The following PLCB1 variants were observed in gnomAD, a reference collection of about 807,000 sequenced individuals.
PLCB1 encodes 1-phosphatidylinositol 4,5-bisphosphate phosphodiesterase beta-1.
Under a neutral mutation model 161.8 loss-of-function variants are expected in PLCB1, and 46 were observed. The observed-to-expected ratio is 0.28, with a 90% CI of 0.22 to 0.36. The LOEUF (loss-of-function observed/expected upper bound fraction) is 0.36, where lower values mean the gene tolerates loss of function less well. Among genes scored for constraint, PLCB1 ranks in the 10% least tolerant of loss-of-function variants. PLCB1 has a pLI of 1.00. For synonymous variants in PLCB1, 517 were observed against 503.7 expected (o/e 1.03, Z -0.35); for missense variants, 1,016 against 1,472.5 (o/e 0.69, Z 5.07).
At chr20:8,798,315 T>C (rs1230472307) in intron 31 of PLCB1, among the ~76,000 whole-genome samples, 2 of 152,198 alleles carry the variant, frequency 1.3e-5, no homozygotes, top group African/African-American at 4.8e-5. Context: ...ATTGCATTTC[T>C]GAAATATTTG....
At chr20:8,701,780 G>C (rs1329250451) in intron 11 of PLCB1, among the ~76,000 whole-genome samples, 1 of 152,268 alleles carries the variant, frequency 6.6e-6, no homozygotes. Context: ...ATCAAATACA[G>C]CATAACCTCC....
intron 22 of PLCB1, among the ~76,000 whole-genome samples, chr20:8,741,201 A>C (rs1392674747): frequency 6.6e-6 from 1 of 152,164 alleles, no homozygotes; most frequent in Non-Finnish European, 1.5e-5. Context: ...TAAACTCTTA[A>C]TTTCTCTCTT....
chr20:8,632,046 T>TGTTTTG (rs1247240611), intron 4 of PLCB1, among the ~76,000 whole-genome samples: 24 of 102,580 alleles, frequency 2.3e-4, no homozygotes, highest in African/African-American at 8.1e-4. Flanking sequence ...TTTTTTTTTT[T>TGTTTTG]TTTTTTTTTT....
At chr20:8,864,986 T>G (rs1433610892) in intron 31 of PLCB1, among the ~76,000 whole-genome samples, 4 of 152,194 alleles carry the variant, frequency 2.6e-5, no homozygotes, top group Non-Finnish European at 5.9e-5. Flanking sequence ...CAGCTCTGCC[T>G]TGTGAATCTA....
rs147966687 is a variant in PLCB1 at position 8,825,232 on chromosome 20, T to C, written c.3423+34971T>C. Among the ~76,000 whole-genome samples the C allele has an allele frequency of 3.7e-4, 56 of 152,350 alleles. No individual in the cohort carries two copies. In the East Asian group the frequency reaches 0.01, roughly 27 times the overall value. ...AGGAACCAATAAACAAATGATCTCC[T>C]GAACTAATTGTCTAGCTACAAACCC... On this transcript the variant is annotated intron_variant, in intron 31 of 31. Coordinates refer to ENST00000338037, the MANE Select transcript of PLCB1 (RefSeq NM_015192.4).
intron 2 of PLCB1, among the ~76,000 whole-genome samples, chr20:8,260,955 C>T (rs899151818): frequency 6.6e-6 from 1 of 152,060 alleles, no homozygotes; most frequent in African/African-American, 2.4e-5. Flanking sequence ...CCATGGTCAG[C>T]GACCGAAAAA....
In PLCB1 at chr20:8,427,986, A is replaced by G. The variant is rs76941833; in HGVS notation, c.246+56536A>G. Among the ~76,000 whole-genome samples, 381 of 152,260 alleles carry G rather than the reference A, an allele frequency of 2.5e-3. 14 individuals are homozygous for G. The East Asian group carries it at 0.058, about 23-fold the overall frequency. On this transcript the variant is annotated intron_variant, in intron 3 of 31. Transcript: ENST00000338037. ...GCAGGTCAGAGGAAGCTGACCTAAT[A>G]ATTTGTGCTGAATGTGTGGCAAGTT...
At chr20:8,315,239 G>A (rs1984587764) in intron 2 of PLCB1, among the ~76,000 whole-genome samples, 1 of 152,196 alleles carries the variant, frequency 6.6e-6, no homozygotes, top group African/African-American at 2.4e-5. Flanking sequence ...TAACATATAT[G>A]TAGGGACAGA....
intron 18 of PLCB1, among the ~76,000 whole-genome samples, chr20:8,732,606 A>G (rs893919603): frequency 3.5e-5 from 5 of 142,896 alleles, no homozygotes; most frequent in Admixed American, 1.5e-4. Flanking sequence ...AGTGTATCAT[A>G]TTAGAAATTA....
rs111334098 is a variant in PLCB1 at position 8,620,980 on chromosome 20, A to G, written c.247-7314A>G. ...ACACATCTAACTATAGCACAGTACC[A>G]TGGAAGGAAGTAGATATCATTACAA... On this transcript the variant is annotated intron_variant, in intron 3 of 31. Transcript: ENST00000338037. Among the ~76,000 whole-genome samples the G allele has an allele frequency of 2.3e-3, 349 of 152,232 alleles. 3 individuals carry two copies. The highest frequency in any genetic ancestry group is 6.9e-3 in the Admixed American group (105 of 15,280).
intron 31 of PLCB1, among the ~76,000 whole-genome samples, chr20:8,828,667 A>C (rs1985831976): frequency 6.6e-6 from 1 of 152,210 alleles, no homozygotes. Context: ...TCTACCTATG[A>C]AATGAGTGGT....
chr20:8,608,978 A>G (rs1001245462), intron 3 of PLCB1, among the ~76,000 whole-genome samples: 3 of 152,182 alleles, frequency 2.0e-5, no homozygotes, highest in African/African-American at 7.2e-5. Flanking sequence ...AATCTTTTCA[A>G]TATACCCTAG....
At chr20:8,446,166 G>A (rs1600406627) in intron 3 of PLCB1, among the ~76,000 whole-genome samples, 1 of 152,098 alleles carries the variant, frequency 6.6e-6, no homozygotes, top group Middle Eastern at 3.2e-3. Context: ...TCAATAAAAT[G>A]CTGGCAAACC....
chr20:8,567,281 CG>C (rs1483609464), intron 3 of PLCB1, among the ~76,000 whole-genome samples: 1 of 152,046 alleles, frequency 6.6e-6, no homozygotes, highest in Non-Finnish European at 1.5e-5. Flanking sequence ...AAGTTAAAAG[CG>C]GAGGGGTGCT....
intron 31 of PLCB1, among the ~76,000 whole-genome samples, chr20:8,811,688 T>C (rs987132791): frequency 5.3e-5 from 8 of 152,210 alleles, no homozygotes; most frequent in Non-Finnish European, 7.3e-5. Flanking sequence ...TTTCTTTTGC[T>C]GTTGAGTACA....
intron 2 of PLCB1, among the ~76,000 whole-genome samples, chr20:8,207,176 CAAA>C (rs1196773965): frequency 1.3e-5 from 2 of 151,526 alleles, no homozygotes; most frequent in Non-Finnish European, 2.9e-5. Flanking sequence ...GTGCAGAAAA[CAAA>C]AAAAATTCTG....
chr20:8,729,587 T>C (rs1980122927), intron 18 of PLCB1: 1 of 153,472 alleles, frequency 6.5e-6, no homozygotes, highest in South Asian at 2.0e-4. Context: ...GCTTTTTTTA[T>C]GTAACTACTC....
intron 3 of PLCB1, among the ~76,000 whole-genome samples, chr20:8,586,491 A>G (rs533827207): frequency 6.7e-6 from 1 of 149,974 alleles, no homozygotes; most frequent in East Asian, 1.9e-4. Context: ...CAACATGGTA[A>G]GTAGGGAAAA....
chr20:8,532,714 G>A (rs978776041), intron 3 of PLCB1, among the ~76,000 whole-genome samples: 11 of 152,062 alleles, frequency 7.2e-5, no homozygotes, highest in African/African-American at 2.7e-4. Flanking sequence ...AAAACACTTT[G>A]GAGGAAGGAG....
Sources: allele counts gnomAD v4.1 joint callset (sites outside exome capture counted in the v4.1 genomes callset), GRCh38; gene constraint gnomAD v4.1.1; transcripts MANE v1.5; gene names NCBI Gene and HGNC (gene_info 2026-07-23, HGNC 2026-07-21).